The following KCNIP4 variants were observed in gnomAD, a reference collection of about 807,000 sequenced individuals.
The protein encoded by KCNIP4 is potassium voltage-gated channel interacting protein 4, also known as Kv channel-interacting protein 4.
In KCNIP4, 12 loss-of-function variants were observed where a neutral mutation model predicts 34.0. The observed-to-expected ratio is 0.35, with a 90% CI of 0.23 to 0.57. The LOEUF (loss-of-function observed/expected upper bound fraction) is 0.57. KCNIP4 is among the 20% of genes least tolerant of loss of function. KCNIP4 has a pLI of 0.83. For missense variants in KCNIP4, 238 were observed against 311.7 expected (o/e 0.76, Z 1.78); for synonymous variants, 124 against 102.2 (o/e 1.21, Z -1.29).
At chr4:20,945,993 C>A (rs73242588) in intron 1 of KCNIP4, among the ~76,000 whole-genome samples, 1 of 151,870 alleles carries the variant, frequency 6.6e-6, no homozygotes, top group Non-Finnish European at 1.5e-5. Context: ...AGAGGATAAA[C>A]GTAAGGAGAA....
At chr4:21,773,035 G>A (rs951462571) in intron 1 of KCNIP4, among the ~76,000 whole-genome samples, 2 of 152,072 alleles carry the variant, frequency 1.3e-5, no homozygotes, top group African/African-American at 4.8e-5. Context: ...GATCTTTCCA[G>A]CTTTCTGATG....
intron 1 of KCNIP4, among the ~76,000 whole-genome samples, chr4:20,942,352 C>T (rs1731726331): frequency 6.6e-6 from 1 of 152,178 alleles, no homozygotes; most frequent in Non-Finnish European, 1.5e-5. Flanking sequence ...GAACTCAGCC[C>T]AGGTCTCTCA....
intron 1 of KCNIP4, among the ~76,000 whole-genome samples, chr4:21,134,115 C>T (rs1033261430): frequency 6.6e-6 from 1 of 152,134 alleles, no homozygotes; most frequent in Non-Finnish European, 1.5e-5. Flanking sequence ...CCAGACCACC[C>T]ACAGGTGACC....
At chr4:20,922,374 G>A (rs1485948236) in intron 1 of KCNIP4, among the ~76,000 whole-genome samples, 1 of 152,172 alleles carries the variant, frequency 6.6e-6, no homozygotes, top group Non-Finnish European at 1.5e-5. Context: ...TTGGAGCTGT[G>A]ATATCCATCT....
intron 2 of KCNIP4, among the ~76,000 whole-genome samples, chr4:20,879,028 G>T (rs942530923): frequency 6.6e-6 from 1 of 151,866 alleles, no homozygotes; most frequent in Non-Finnish European, 1.5e-5. Flanking sequence ...GATATAAGAC[G>T]CTCAGAGTGA....
At chr4:21,153,156 G>A (rs1257484807) in intron 1 of KCNIP4, among the ~76,000 whole-genome samples, 1 of 152,102 alleles carries the variant, frequency 6.6e-6, no homozygotes, top group Admixed American at 6.6e-5. Flanking sequence ...ACTCCTAGTA[G>A]TAGAATTGTT....
At chr4:21,219,334 T>A (rs1268089625) in intron 1 of KCNIP4, among the ~76,000 whole-genome samples, 2 of 152,196 alleles carry the variant, frequency 1.3e-5, no homozygotes, top group Non-Finnish European at 2.9e-5. Context: ...ACCCCACTGA[T>A]GTCACAGAAA....
At chr4:21,905,670 T>G (rs2108974286) in intron 1 of KCNIP4, among the ~76,000 whole-genome samples, 1 of 152,262 alleles carries the variant, frequency 6.6e-6, no homozygotes, top group Admixed American at 6.5e-5. Context: ...CTCTCCTTTC[T>G]TTCAAAAAGC....
At chr4:20,919,990 C>A (rs972941475) in intron 1 of KCNIP4, among the ~76,000 whole-genome samples, 10 of 152,090 alleles carry the variant, frequency 6.6e-5, no homozygotes, top group African/African-American at 1.9e-4. Flanking sequence ...CTTATTTTGA[C>A]TATGGTAATG....
At chr4:21,561,234 G>C (rs915806220) in intron 1 of KCNIP4, among the ~76,000 whole-genome samples, 2 of 151,904 alleles carry the variant, frequency 1.3e-5, no homozygotes, top group South Asian at 2.1e-4. Context: ...GGACCTTTTG[G>C]GGGTATTAGT....
chr4:20,850,804 A>G (rs1720936922), intron 2 of KCNIP4, 137 bp from the exon 3 acceptor site: 3 of 916,688 alleles, frequency 3.3e-6, no homozygotes, highest in Non-Finnish European at 4.6e-6. Context: ...CACAATGCCT[A>G]TAAGGCCTTT....
intron 1 of KCNIP4, among the ~76,000 whole-genome samples, chr4:20,916,129 A>G (rs1426981463): frequency 6.6e-6 from 1 of 152,146 alleles, no homozygotes; most frequent in Non-Finnish European, 1.5e-5. Flanking sequence ...TACCTCCTAC[A>G]GTCCTTCAAG....
chr4:21,296,892 G>A (rs1307817518), intron 1 of KCNIP4, among the ~76,000 whole-genome samples: 1 of 151,898 alleles, frequency 6.6e-6, no homozygotes, highest in Non-Finnish European at 1.5e-5. Context: ...AAAGCAAGCA[G>A]TTAGGAAGGT....
intron 1 of KCNIP4, among the ~76,000 whole-genome samples, chr4:21,645,012 T>C (rs1017380789): frequency 4.6e-5 from 7 of 152,158 alleles, no homozygotes. Context: ...TTATTGAACA[T>C]TACTATTTGC....
intron 1 of KCNIP4, among the ~76,000 whole-genome samples, chr4:21,296,245 T>C (rs909193956): frequency 6.6e-6 from 1 of 152,038 alleles, no homozygotes; most frequent in Non-Finnish European, 1.5e-5. Context: ...TCAATGACAA[T>C]TTTGCATTAG....
chr4:20,993,265 G>A (rs1737249950), intron 1 of KCNIP4, among the ~76,000 whole-genome samples: 1 of 151,996 alleles, frequency 6.6e-6, no homozygotes, highest in South Asian at 2.1e-4. Flanking sequence ...AAGCAAAAAG[G>A]GAATATGCAC....
chr4:21,762,758 A>G lies in KCNIP4; in HGVS notation c.61+185813T>C, dbSNP rs577382712. Among the ~76,000 whole-genome samples the G allele has an allele frequency of 3.3e-5, 5 of 152,104 alleles. No individual in the cohort carries two copies. The South Asian group carries it at 1.0e-3, about 32-fold the overall frequency. ...GTCATTAGTGGGCTGGGTCAACGAG[A>G]CTCTTCCACGAGTCATCAAAACCAT... On this transcript the variant is annotated intron_variant, in intron 1 of 8. Transcript: ENST00000382152.
chr4:21,845,097 T>C (rs1723931794), intron 1 of KCNIP4: 1 of 152,008 alleles, frequency 6.6e-6, no homozygotes. Flanking sequence ...TTTGTCACTT[T>C]GTTTGTTTCT....
chr4:20,937,504 G>C (rs112689882), intron 1 of KCNIP4, among the ~76,000 whole-genome samples: 19,946 of 150,186 alleles, frequency 0.13, 1,836 homozygotes, highest in African/African-American at 0.27. Flanking sequence ...AAAGGGCTGG[G>C]ATTACAGGCG....
Sources: allele counts gnomAD v4.1 joint callset (sites outside exome capture counted in the v4.1 genomes callset), GRCh38; gene constraint gnomAD v4.1.1; transcripts MANE v1.5; gene names NCBI Gene and HGNC (gene_info 2026-07-23, HGNC 2026-07-21).